The following STAU2 variants were observed in gnomAD, a reference collection of about 807,000 sequenced individuals.
STAU2 encodes the protein double-stranded RNA-binding protein Staufen homolog 2.
STAU2 carries 20 observed loss-of-function variants against 65.9 expected under a neutral mutation model. The observed-to-expected ratio is 0.30, with a 90% CI of 0.21 to 0.44. The LOEUF (loss-of-function observed/expected upper bound fraction) is 0.44, where lower values mean the gene tolerates loss of function less well. STAU2 is among the 20% of genes least tolerant of loss of function. STAU2 has a pLI of 1.00. For synonymous variants in STAU2, 232 were observed against 233.9 expected (o/e 0.99, Z 0.07); for missense variants, 558 against 683.9 (o/e 0.82, Z 2.05).
chr8:73,670,479 T>A (rs1413407530), intron 6 of STAU2: 1 of 151,652 alleles, frequency 6.6e-6, no homozygotes, highest in Non-Finnish European at 1.5e-5. Flanking sequence ...CAACACAAGA[T>A]GCCTCTACAG....
At chr8:73,675,370 T>TACAC (rs34764136) in intron 5 of STAU2, 30,093 of 145,388 alleles carry the variant, frequency 0.21, 3,171 homozygotes, top group East Asian at 0.36. Flanking sequence ...CATACATGTA[T>TACAC]ACACACACAC....
rs115510223 is a variant in STAU2, at chr8:73,442,625, G to T, written c.1531-19923C>A. On this transcript the variant is annotated intron_variant, in intron 13 of 14. Transcript: ENST00000524300. ...CTTTTGGAAAAAATTCTGCTAAATT[G>T]TTTCTAGAAACTGCTAGTACTGTTA... Among the ~76,000 whole-genome samples the T allele has an allele frequency of 4.2e-3, 635 of 152,246 alleles. 8 individuals carry two copies. The highest frequency in any genetic ancestry group is 0.014 in the African/African-American group (595 of 41,548).
chr8:73,614,783 C>T (rs1181164268), intron 8 of STAU2, among the ~76,000 whole-genome samples: 1 of 152,082 alleles, frequency 6.6e-6, no homozygotes, highest in African/African-American at 2.4e-5. Context: ...TTAGTATAAG[C>T]AATTACTTTT....
chr8:73,669,145 G>T, intron 6 of STAU2: 1 of 700,936 alleles, frequency 1.4e-6, no homozygotes. Flanking sequence ...AATCATGGTT[G>T]TAACAGCCTA....
At chr8:73,630,233 G>A (rs1340048866) in intron 6 of STAU2, among the ~76,000 whole-genome samples, 1 of 152,248 alleles carries the variant, frequency 6.6e-6, no homozygotes, top group East Asian at 1.9e-4. Context: ...CATTGCTGCA[G>A]ATACGCAAGG....
intron 6 of STAU2, among the ~76,000 whole-genome samples, chr8:73,628,127 T>A (rs1813827105): frequency 6.6e-6 from 1 of 151,504 alleles, no homozygotes; most frequent in Non-Finnish European, 1.5e-5. Context: ...CAGGCTGGAG[T>A]GCAGAGCATG....
intron 12 of STAU2, among the ~76,000 whole-genome samples, chr8:73,556,343 G>A (rs987898200): frequency 6.6e-6 from 1 of 152,078 alleles, no homozygotes; most frequent in Non-Finnish European, 1.5e-5. Flanking sequence ...CTAGTTGAAA[G>A]GATATTTTAG....
chr8:73,448,859 G>A (rs988258847), intron 13 of STAU2, among the ~76,000 whole-genome samples: 2 of 152,252 alleles, frequency 1.3e-5, no homozygotes, highest in African/African-American at 2.4e-5. Flanking sequence ...GTGGACAGCC[G>A]GTCCCTGCCG....
At chr8:73,603,097 T>C (rs1246479701) in intron 10 of STAU2, among the ~76,000 whole-genome samples, 2 of 152,154 alleles carry the variant, frequency 1.3e-5, no homozygotes, top group Non-Finnish European at 2.9e-5. Flanking sequence ...AAAGAAAAAT[T>C]TCTTAAGACT....
chr8:73,546,123 C>CTTTTTTTTTTTTTTTT (rs71561528), intron 13 of STAU2, among the ~76,000 whole-genome samples: 1 of 93,290 alleles, frequency 1.1e-5, no homozygotes, highest in Non-Finnish European at 1.9e-5. Context: ...GTTTGGTTTT[C>CTTTTTTTTTTTTTTTT]TTTTTTTTTT....
At chr8:73,559,694 T>C (rs781016957) in intron 12 of STAU2, among the ~76,000 whole-genome samples, 1 of 152,198 alleles carries the variant, frequency 6.6e-6, no homozygotes, top group East Asian at 1.9e-4. Flanking sequence ...CTTTAGCTAC[T>C]AGACTGATGT....
chr8:73,567,158 C>G (rs965435158), intron 12 of STAU2, among the ~76,000 whole-genome samples: 1 of 152,044 alleles, frequency 6.6e-6, no homozygotes, highest in African/African-American at 2.4e-5. Flanking sequence ...CTTGCATTTG[C>G]TCAAATACTG....
chr8:73,479,498 A>ACACACACACACACT (rs1469482445), intron 13 of STAU2, among the ~76,000 whole-genome samples: 2 of 149,836 alleles, frequency 1.3e-5, no homozygotes, highest in Non-Finnish European at 3.0e-5. Context: ...ACACACACAC[A>ACACACACACACACT]CTCTCATACA....
intron 13 of STAU2, among the ~76,000 whole-genome samples, chr8:73,453,288 A>G (rs183958464): frequency 6.6e-6 from 1 of 152,358 alleles, no homozygotes; most frequent in Admixed American, 6.5e-5. Flanking sequence ...GGGAAAATGC[A>G]TTTCTGTAGA....
At chr8:73,684,885 C>T (rs565439995) in intron 5 of STAU2, among the ~76,000 whole-genome samples, 1 of 152,252 alleles carries the variant, frequency 6.6e-6, no homozygotes, top group East Asian at 1.9e-4. Context: ...TAATGCAAAT[C>T]AAAACCACAA....
intron 6 of STAU2, among the ~76,000 whole-genome samples, chr8:73,623,274 G>A (rs754618476): frequency 2.2e-4 from 33 of 151,976 alleles, no homozygotes; most frequent in Admixed American, 7.9e-4. Context: ...CTAAAATCCC[G>A]TATGTCCTCC....
chr8:73,519,546 A>C (rs777402024), intron 13 of STAU2, among the ~76,000 whole-genome samples: 17 of 152,188 alleles, frequency 1.1e-4, no homozygotes, highest in Admixed American at 3.3e-4. Flanking sequence ...TGGATTTCTA[A>C]GGCCAATTAC....
intron 6 of STAU2, among the ~76,000 whole-genome samples, chr8:73,633,747 G>A (rs898985465): frequency 1.3e-5 from 2 of 152,078 alleles, no homozygotes; most frequent in African/African-American, 2.4e-5. Context: ...TTGGGAGGCC[G>A]AGGCGGCTGG....
At chr8:73,716,810 G>T (rs1821282351) in intron 3 of STAU2, among the ~76,000 whole-genome samples, 1 of 152,024 alleles carries the variant, frequency 6.6e-6, no homozygotes, top group Non-Finnish European at 1.5e-5. Flanking sequence ...GCTTGGTAAA[G>T]ATTTTCTTCT....
Sources: allele counts gnomAD v4.1 joint callset (sites outside exome capture counted in the v4.1 genomes callset), GRCh38; gene constraint gnomAD v4.1.1; transcripts MANE v1.5; gene names NCBI Gene and HGNC (gene_info 2026-07-23, HGNC 2026-07-21).